BECN1: variants seen among roughly 807,000 people sequenced by gnomAD.
The protein encoded by BECN1 is beclin-1.
A neutral mutation model predicts 60.1 loss-of-function variants in BECN1; 15 were observed. The ratio of observed to expected loss-of-function variants is 0.25; its 90% CI spans 0.17 to 0.38. The LOEUF (loss-of-function observed/expected upper bound fraction) is 0.38, where lower values mean the gene tolerates loss of function less well. BECN1 is among the 10% of genes least tolerant of loss of function. BECN1 has a pLI of 1.00. For synonymous variants in BECN1, 179 were observed against 201.8 expected (o/e 0.89, Z 0.96); for missense variants, 424 against 548.2 (o/e 0.77, Z 2.26).
At chr17:42,821,319 T>C (rs1458577078) in intron 2 of BECN1, among the ~76,000 whole-genome samples, 2 of 152,178 alleles carry the variant, frequency 1.3e-5, no homozygotes, top group Non-Finnish European at 2.9e-5. Context: ...CTACCCAAAG[T>C]GCTGGGATTA....
intron 9 of BECN1, 184 bp downstream of exon 9, chr17:42,814,339 AC>A: frequency 1.4e-6 from 1 of 724,156 alleles, no homozygotes; most frequent in Middle Eastern, 2.9e-4. Context: ...CAACTCAGTG[AC>A]TGTGTGATCA....
chr17:42,818,155 C>T, intron 7 of BECN1, 66 bp downstream of exon 7: 1 of 1,536,962 alleles, frequency 6.5e-7, no homozygotes, highest in Non-Finnish European at 8.9e-7. Flanking sequence ...CAGACACATT[C>T]AGCTGGAAGC....
chr17:42,818,704 T>C (rs1282569133), intron 5 of BECN1, 24 bp from the exon 6 acceptor site: 11 of 1,613,830 alleles, frequency 6.8e-6, no homozygotes, highest in Admixed American at 1.7e-5. Context: ...AGAGTCAGGG[T>C]AGGGCCTCCC....
intron 2 of BECN1, among the ~76,000 whole-genome samples, chr17:42,821,364 A>C (rs1395060638): frequency 6.6e-6 from 1 of 152,180 alleles, no homozygotes; most frequent in East Asian, 1.9e-4. Flanking sequence ...GGTATCATTT[A>C]TCTTTAAGAA....
chr17:42,820,707 CAT>C, intron 3 of BECN1, 65 bp downstream of exon 3: 1 of 1,472,936 alleles, frequency 6.8e-7, no homozygotes, highest in Non-Finnish European at 9.3e-7. Flanking sequence ...TTCCTGTTTT[CAT>C]ATCATATCTC....
chr17:42,813,409 A>C (rs1222915103), intron 10 of BECN1: 1 of 152,020 alleles, frequency 6.6e-6, no homozygotes, highest in Non-Finnish European at 1.5e-5. Flanking sequence ...GGTGGTGGGC[A>C]CCTGTAATCC....
chr17:42,820,566 G>T, intron 3 of BECN1: 1 of 495,036 alleles, frequency 2.0e-6, no homozygotes, highest in South Asian at 3.7e-5. Context: ...GTAACCCTGT[G>T]ACCTCAGGTG....
In BECN1 at chr17:42,810,862, G is replaced by C. The variant is rs1268599477; in HGVS notation, c.1251C>G (p.Thr417=). The C allele has an allele frequency of 2.5e-6, 4 of 1,613,328 alleles. No individual in the cohort carries two copies. Among genetic ancestry groups the C allele is most frequent in the Non-Finnish European group, 3.4e-6 (4 of 1,179,736 alleles). The change falls in exon 12 of 12, where the codon ACC becomes ACG. Residue 417 remains threonine, a synonymous_variant. Coordinates refer to ENST00000590099, the MANE Select transcript of BECN1 (RefSeq NM_001313998.2). The stretch of plus-strand genomic sequence containing the variant: ...TCCACTGCTCCTCAGAGTTAAACTG[G>C]GTTTTGATGGAATAGGAGCCGCCAC... ...GGSGGSYSIK[T]QFNSEEQWTK...
At chr17:42,811,442 T>C (rs1159474658) in intron 11 of BECN1, 3 of 498,592 alleles carry the variant, frequency 6.0e-6, no homozygotes, top group Non-Finnish European at 1.0e-5. Flanking sequence ...CCCTAAACCA[T>C]CTAAGGCAAC....
chr17:42,810,984 C>A lies in BECN1; in HGVS notation c.1185-56G>T. 21 of 1,474,174 alleles carry A rather than the reference C, an allele frequency of 1.4e-5. No homozygotes were observed. In the South Asian group the frequency reaches 3.0e-4, roughly 21 times the overall value. 91.3% of individuals were successfully genotyped at this position (1,474,174 alleles called of 1,614,324 possible). On this transcript the variant is annotated intron_variant, in intron 11 of 11. Coordinates refer to ENST00000590099, the MANE Select transcript of BECN1 (RefSeq NM_001313998.2). ...AACTGAGATCTGAGTTAAGTAAGTT[C>A]GGGGCAGGGACTTGATCATGGGACC... is the stretch of plus-strand genomic sequence containing the variant.
chr17:42,822,445 A>C (rs896902762), intron 2 of BECN1, among the ~76,000 whole-genome samples: 6 of 152,262 alleles, frequency 3.9e-5, no homozygotes, highest in African/African-American at 1.4e-4. Flanking sequence ...AATGACAGCC[A>C]GGATTTAAAC....
intron 2 of BECN1, among the ~76,000 whole-genome samples, chr17:42,821,749 A>G (rs559860830): frequency 6.6e-6 from 1 of 152,364 alleles, no homozygotes; most frequent in South Asian, 2.1e-4. Flanking sequence ...TGTGAAAAAC[A>G]TAATAATTGA....
intron 10 of BECN1, chr17:42,813,607 G>T: frequency 5.6e-6 from 1 of 177,968 alleles, no homozygotes; most frequent in Admixed American, 6.1e-5. Flanking sequence ...GTATCTATAT[G>T]CCAATATCCC....
Position 42,811,682 on chromosome 17 carries a change from C to G in BECN1, c.1157G>C (p.Gly386Ala). The change falls in exon 11 of 12, where the codon GGC becomes GCC. Residue 386 changes from glycine to alanine, a missense_variant. Around this residue, in one of 3 missense-constraint regions of BECN1, gnomAD observed 326 missense variants for 406.2 expected, o/e 0.80. Coordinates refer to ENST00000590099, the MANE Select transcript of BECN1 (RefSeq NM_001313998.2). Reference sequence around the variant, plus strand: ...GTAGGGAAGACAAAAACGTGTCTCGCCTTTCTCAACCTCTTCTTTGAACTG... The same window carrying G: ...GTAGGGAAGACAAAAACGTGTCTCGGCTTTCTCAACCTCTTCTTTGAACTG... Reference protein sequence around the residue: ...VQQFKEEVEKGETRFCLPYRM... With the variant: ...VQQFKEEVEKAETRFCLPYRM... 1 of 1,614,108 alleles carries G rather than the reference C, an allele frequency of 6.2e-7. No homozygotes were observed. Among genetic ancestry groups the G allele is most frequent in the South Asian group, 1.1e-5 (1 of 91,070 alleles).
chr17:42,816,549 G>A (rs2055150313), intron 7 of BECN1, among the ~76,000 whole-genome samples: 1 of 151,798 alleles, frequency 6.6e-6, no homozygotes, highest in Non-Finnish European at 1.5e-5. Flanking sequence ...CTACTTGGGA[G>A]GCTGAAGTGG....
At chr17:42,814,365 G>A (rs1026835355) in intron 9 of BECN1, 159 bp downstream of exon 9, 4 of 948,832 alleles carry the variant, frequency 4.2e-6, no homozygotes, top group South Asian at 3.3e-5. Flanking sequence ...AGAGAGCCCT[G>A]TGATGAGGGG....
chr17:42,813,121 G>C (rs2055067349), intron 10 of BECN1, among the ~76,000 whole-genome samples: 1 of 151,222 alleles, frequency 6.6e-6, no homozygotes, highest in Admixed American at 6.6e-5. Context: ...TGGGATTACA[G>C]GCGTGAGCCA....
At chr17:42,823,456 G>C (rs559364460) in intron 2 of BECN1, among the ~76,000 whole-genome samples, 1 of 152,278 alleles carries the variant, frequency 6.6e-6, no homozygotes, top group East Asian at 1.9e-4. Flanking sequence ...GTTTCGCCAT[G>C]TTGGCCAGGC....
chr17:42,820,561 C>A, intron 3 of BECN1: 2 of 490,008 alleles, frequency 4.1e-6, no homozygotes, highest in South Asian at 3.8e-5. Flanking sequence ...ATTCAGTAAC[C>A]CTGTGACCTC....
Sources: gnomAD v4.1 joint callset for allele counts (sites outside exome capture counted in the v4.1 genomes callset) on GRCh38, gnomAD v4.1.1 for gene constraint, gnomAD v4.1.1 regional missense constraint, MANE v1.5 for transcripts, NCBI Gene and HGNC (gene_info 2026-07-23, HGNC 2026-07-21) for gene names.